Variants in TNXB observed in about 807,000 individuals in gnomAD.
The protein encoded by TNXB is tenascin XB, also known as tenascin-X.
Under a neutral mutation model 340.5 loss-of-function variants are expected in TNXB, and 183 were observed. The ratio of observed to expected loss-of-function variants is 0.54; its 90% CI spans 0.48 to 0.61. The LOEUF (loss-of-function observed/expected upper bound fraction) is 0.61. Among genes scored for constraint, TNXB ranks in the 20% least tolerant of loss-of-function variants. TNXB has a pLI of 0.00. For missense variants in TNXB, 4,613 were observed against 5,446.4 expected, an observed-to-expected ratio of 0.85 and a Z score of 4.82; for synonymous variants, 2,121 against 2,314.5, an observed-to-expected ratio of 0.92 and a Z score of 2.40.
rs1275963530 is a variant in TNXB at position 32,068,005 on chromosome 6, G to A, written c.6221-21C>T. Reference sequence around the variant, plus strand: ...TGCAGCTGAGAAGGAGGAAGAGAGAGTGAGGGGGATGTCCTTGGGTACTGG... The same window carrying A: ...TGCAGCTGAGAAGGAGGAAGAGAGAATGAGGGGGATGTCCTTGGGTACTGG... On this transcript the variant is annotated intron_variant, in intron 17 of 43. Transcript: ENST00000644971. The surrounding 1 kb of genome is among the most constrained non-coding windows in gnomAD (Gnocchi z 5.3). The A allele has an allele frequency of 6.2e-7, 1 of 1,605,226 alleles. No homozygotes were observed. Among genetic ancestry groups the A allele is most frequent in the Non-Finnish European group, 8.5e-7 (1 of 1,174,692 alleles).
chr6:32,049,485 G>T lies in TNXB; in HGVS notation c.9542C>A (p.Ser3181Ter). The part of the protein sequence containing the change: ...ELTVTGSSPD[S>*]LSLSWTVPQG... ...GGGGACGGTCCAGGAGAGGCTCAGC[G>T]AGTCAGGGGAGGATCCTGTCACTGT... is the stretch of plus-strand genomic sequence containing the variant. Residue 3181 changes from serine to a stop codon, truncating the protein, a stop_gained, in exon 28 of 44, where the codon TCG becomes TAG. Transcript: ENST00000644971. LOFTEE classifies it high-confidence loss of function. The surrounding 1 kb of genome is among the most constrained non-coding windows in gnomAD (Gnocchi z 4.5). The T allele has an allele frequency of 6.2e-7, 1 of 1,612,572 alleles. No homozygotes were observed. Among genetic ancestry groups the T allele is most frequent in the Non-Finnish European group, 8.5e-7 (1 of 1,179,850 alleles).
In TNXB at chr6:32,065,041, G is replaced by A. The variant is rs373976167; in HGVS notation, c.6621C>T (p.Ser2207=). The change falls in exon 19 of 44, where the codon TCC becomes TCT. Residue 2207 remains serine, a synonymous_variant. Coordinates refer to ENST00000644971, the MANE Select transcript of TNXB (RefSeq NM_001365276.2). ...LGQMTVRDIT[S]DSLSLSWTVP... is the part of the protein sequence containing the mutation. Reference sequence around the variant, plus strand: ...CTGTCCAGGAGAGGCTGAGGGAGTCGGAGGTGATGTCTCTCACTGTCATCT... The same window carrying A: ...CTGTCCAGGAGAGGCTGAGGGAGTCAGAGGTGATGTCTCTCACTGTCATCT... 1.5e-5 allele frequency: 24 copies of A among 1,606,362 alleles called. No individual in the cohort carries two copies. Among genetic ancestry groups the A allele is most frequent in the African/African-American group, 1.1e-4 (8 of 74,788 alleles).
At chr6:32,098,832 A>C (rs190820703) in intron 1 of TNXB, among the ~76,000 whole-genome samples, 15 of 152,298 alleles carry the variant, frequency 9.8e-5, no homozygotes, top group Admixed American at 9.8e-4. Context: ...CACTACTCCA[A>C]GGGCCTTTGC....
Position 32,072,065 on chromosome 6 carries a change from G to A in TNXB, c.4915C>T (p.Arg1639Cys), listed in dbSNP as rs780301586. The A allele has an allele frequency of 8.1e-6, 13 of 1,612,734 alleles. No individual in the cohort carries two copies. Among genetic ancestry groups the A allele is most frequent in the Middle Eastern group, 1.6e-4 (1 of 6,062 alleles). Residue 1639 changes from arginine to cysteine, a missense_variant, in exon 13 of 44, where the codon CGC (arginine) becomes TGC (cysteine). Transcript: ENST00000644971. The surrounding 1 kb of genome is among the most constrained non-coding windows in gnomAD (Gnocchi z 4.4). ...EVTIPDLEPS[R>C]KYKFLLFGIQ... ...CCAAAGAGCAGGAACTTGTACTTGC[G>A]GGAGGGTTCCAGGTCAGGGATAGTG...
At position 32,074,240 on chromosome 6, in the gene TNXB, G is replaced by T. The variant is rs764323342; in HGVS notation, c.4376-288C>A. Among the ~76,000 whole-genome samples the T allele has an allele frequency of 2.6e-5, 4 of 152,126 alleles. No homozygotes were observed. Among genetic ancestry groups the T allele is most frequent in the Non-Finnish European group, 5.9e-5 (4 of 68,012 alleles). Reference sequence around the variant, plus strand: ...GGCATTTGCCATGTTGGCCAGGCTGGTCTCAAACCCCTGACCTCAGGTGAT... The same window carrying T: ...GGCATTTGCCATGTTGGCCAGGCTGTTCTCAAACCCCTGACCTCAGGTGAT... On this transcript the variant is annotated intron_variant, in intron 11 of 43. Transcript: ENST00000644971. This position sits in a 1 kb window ranked among gnomAD's most constrained non-coding sequence, Gnocchi z 5.5.
chr6:32,078,121 A>AAGAAAGAAAG (rs1318376891), intron 11 of TNXB, among the ~76,000 whole-genome samples: 2 of 144,490 alleles, frequency 1.4e-5, no homozygotes, highest in Non-Finnish European at 1.5e-5. Context: ...GAAAGAAAGA[A>AAGAAAGAAAG]AGAAAGAAAG....
Position 32,079,332 on chromosome 6 carries a change from G to A in TNXB, c.4076C>T (p.Pro1359Leu). Residue 1359 changes from proline to leucine, a missense_variant, in exon 11 of 44, where the codon CCC (proline) becomes CTC (leucine). Coordinates refer to ENST00000644971, the MANE Select transcript of TNXB (RefSeq NM_001365276.2). The surrounding 1 kb of genome is among the most constrained non-coding windows in gnomAD (Gnocchi z 7.1). ...PQEDVDETPS[P>L]TELGTEAPES... ...CGGGGCCTCCGTGCCCAGTTCTGTG[G>A]GGCTGGGGGTCTCGTCCACATCCTC... The A allele has an allele frequency of 1.2e-6, 2 of 1,610,968 alleles. No homozygotes were observed. The highest frequency in any genetic ancestry group is 1.7e-6 in the Non-Finnish European group (2 of 1,178,570).
In TNXB at chr6:32,082,324, G is replaced by A. The variant is rs769286386; in HGVS notation, c.3448C>T (p.Pro1150Ser). ...GTCCCTGGACTTGGGTCACTCTGAG[G>A]CACTAGGAAGAGTGGGTAGAGAGAA... ...GPLVAEAKILPQSDPSPGTPP... is the reference protein window; with the variant it reads ...GPLVAEAKILSQSDPSPGTPP... The change falls in exon 9 of 44, where the codon CCT becomes TCT. Residue 1150 changes from proline to serine, a missense_variant and splice_region_variant. Pro to Ser is a moderately conservative substitution (Grantham distance 74). This residue lies in a region of TNXB where 4,327 missense variants were observed against 4,859.4 expected (regional missense o/e 0.89). Coordinates refer to ENST00000644971, the MANE Select transcript of TNXB (RefSeq NM_001365276.2). The surrounding 1 kb of genome is among the most constrained non-coding windows in gnomAD (Gnocchi z 5.0). 4 of 1,589,486 alleles carry A rather than the reference G, an allele frequency of 2.5e-6. No homozygotes were observed. The highest frequency in any genetic ancestry group is 1.3e-5 in the African/African-American group (1 of 74,540).
rs1780009648 is a variant in TNXB at position 32,090,082 on chromosome 6, C to T, written c.2359-703G>A. 6.6e-6 allele frequency among the ~76,000 whole-genome samples: 1 copy of T among 152,168 alleles called. No individual in the cohort carries two copies. Among genetic ancestry groups the T allele is most frequent in the African/African-American group, 2.4e-5 (1 of 41,426 alleles). ...TGTCTCTTCACCCGGGTTGTAGGCT[C>T]CTCAAAACAAGAACCACCTGCTCAA... On this transcript the variant is annotated intron_variant, in intron 4 of 43. Transcript: ENST00000644971. This position sits in a 1 kb window ranked among gnomAD's most constrained non-coding sequence, Gnocchi z 4.3.
rs2127274352 is a variant in TNXB, at chr6:32,089,503, T to C, written c.2359-124A>G. The C allele has an allele frequency of 7.8e-7, 1 of 1,285,636 alleles. No individual in the cohort carries two copies. The highest frequency in any genetic ancestry group is 1.0e-6 in the Non-Finnish European group (1 of 961,106). The allele number at this position is 1,285,636 out of a possible 1,614,324, so 79.6% of individuals were successfully genotyped here. A position where few individuals can be genotyped will look rare whatever the true frequency, so the allele number is the denominator to read the frequency against. On this transcript the variant is annotated intron_variant, in intron 4 of 43. Transcript: ENST00000644971. The surrounding 1 kb of genome is among the most constrained non-coding windows in gnomAD (Gnocchi z 6.2). ...CATGGTACTGTGTGGAACTTGACCC[T>C]GTACAAGCTGGGGAGCAAACATGCT...
In TNXB at chr6:32,051,869, C is replaced by T. The variant is rs1777299594; in HGVS notation, c.9115+801G>A. ...GTATGATTGCACTTATATGAGGTAC[C>T]TAGAGTCAAATTCATAGAGACAGAG... On this transcript the variant is annotated intron_variant, in intron 26 of 43. Coordinates refer to ENST00000644971, the MANE Select transcript of TNXB (RefSeq NM_001365276.2). This position sits in a 1 kb window ranked among gnomAD's most constrained non-coding sequence, Gnocchi z 4.7. Among the ~76,000 whole-genome samples, 1 of 152,062 alleles carries T rather than the reference C, an allele frequency of 6.6e-6. No individual in the cohort carries two copies. The highest frequency in any genetic ancestry group is 1.5e-5 in the Non-Finnish European group (1 of 68,016).
chr6:32,096,375 C>T lies in TNXB; in HGVS notation c.1478G>A (p.Gly493Asp), dbSNP rs1336576530. ...ACAGTCGCCAGGACAGGCGCGCGTG[C>T]CGCAGTCCCGGCCTGTGTACCCCGG... ...CWPGYTGRDC[G>D]TRACPGDCRG... Residue 493 changes from glycine to aspartate, a missense_variant, in exon 3 of 44, where the codon GGC becomes GAC. By Grantham distance (94) the Gly-to-Asp change is moderately conservative. Around this residue, in one of 7 missense-constraint regions of TNXB, gnomAD observed 4,327 missense variants for 4,859.4 expected, o/e 0.89. Transcript: ENST00000644971. 6.4e-7 allele frequency: 1 copy of T among 1,560,312 alleles called. No individual in the cohort carries two copies. The highest frequency in any genetic ancestry group is 1.4e-5 in the African/African-American group (1 of 73,852).
intron 28 of TNXB, 36 bp from the exon 29 acceptor site, chr6:32,048,686 C>T: frequency 1.4e-6 from 2 of 1,398,966 alleles, no homozygotes; most frequent in Non-Finnish European, 1.9e-6. Context: ...GGTCAGGAGG[C>T]AGGACCCTGC....
At chr6:32,065,249 A>C (rs1778276061) in intron 18 of TNXB, 132 bp from the exon 19 acceptor site, 1 of 849,620 alleles carries the variant, frequency 1.2e-6, no homozygotes, top group Non-Finnish European at 1.8e-6. Context: ...TTATAATCAT[A>C]ATCAGATTTT....
intron 19 of TNXB, among the ~76,000 whole-genome samples, chr6:32,063,561 A>C (rs1047678648): frequency 1.3e-5 from 2 of 152,218 alleles, no homozygotes; most frequent in African/African-American, 4.8e-5. Flanking sequence ...ATGAGACCAC[A>C]TGAGGGCATC....
In TNXB at chr6:32,058,523, G is replaced by A. The variant is rs974238486; in HGVS notation, c.7493-133C>T. The A allele has an allele frequency of 9.4e-6, 7 of 746,002 alleles. No individual in the cohort carries two copies. The highest frequency in any genetic ancestry group is 1.8e-5 in the African/African-American group (1 of 56,090). The allele number at this position is 746,002 out of a possible 1,614,324, so 46.2% of individuals were successfully genotyped here. A position where few individuals can be genotyped will look rare whatever the true frequency, so the allele number is the denominator to read the frequency against. ...TGAGGGCTGGGGCAGCTTTGTGTTC[G>A]CCGTTCAGTGACTCTTGGAATAAGA... On this transcript the variant is annotated intron_variant, in intron 21 of 43. Coordinates refer to ENST00000644971, the MANE Select transcript of TNXB (RefSeq NM_001365276.2). The surrounding 1 kb of genome is among the most constrained non-coding windows in gnomAD (Gnocchi z 5.1).
intron 1 of TNXB, among the ~76,000 whole-genome samples, chr6:32,106,871 T>C (rs1286159157): frequency 6.6e-6 from 1 of 152,244 alleles, no homozygotes; most frequent in Non-Finnish European, 1.5e-5. Context: ...TGTACACATG[T>C]ACACTTACAA....
Position 32,046,143 on chromosome 6 carries a change from T to G in TNXB, c.10606+32A>C. ...AATGCACAAGGAAACCCACACAAGC[T>G]GGCTTGCTATAGCCAGGCACAGCAG... On this transcript the variant is annotated intron_variant, in intron 31 of 43. Transcript: ENST00000644971. The surrounding 1 kb of genome is among the most constrained non-coding windows in gnomAD (Gnocchi z 6.9). The G allele has an allele frequency of 6.4e-7, 1 of 1,564,836 alleles. No homozygotes were observed. The highest frequency in any genetic ancestry group is 8.7e-7 in the Non-Finnish European group (1 of 1,150,250).
rs1779529210 is a variant in TNXB, at chr6:32,082,473, TC to T, written c.3446-148del. On this transcript the variant is annotated intron_variant, in intron 8 of 43. Transcript: ENST00000644971. The surrounding 1 kb of genome is among the most constrained non-coding windows in gnomAD (Gnocchi z 5.0). ...CTGAGGGAGTACAGAGGGACTGAAA[TC>T]CAGCCAGCACTCTGCTTGCCGAGCT... 1.2e-6 allele frequency: 1 copy of T among 814,684 alleles called. No homozygotes were observed. Among genetic ancestry groups the T allele is most frequent in the Non-Finnish European group, 1.9e-6 (1 of 529,556 alleles). 50.5% of individuals were successfully genotyped at this position (814,684 alleles called of 1,614,324 possible). A position where few individuals can be genotyped will look rare whatever the true frequency, so the allele number is the denominator to read the frequency against.
Sources: gnomAD v4.1 joint callset for allele counts (sites outside exome capture counted in the v4.1 genomes callset) on GRCh38, gnomAD v4.1.1 for gene constraint, gnomAD v4.1.1 regional missense constraint, Gnocchi (gnomAD v3.1) non-coding constraint, MANE v1.5 for transcripts, NCBI Gene and HGNC (gene_info 2026-07-23, HGNC 2026-07-21) for gene names.